The following NXPH1 variants were observed in gnomAD, a reference collection of about 807,000 sequenced individuals.
NXPH1 encodes neurexophilin-1.
In NXPH1, 5 loss-of-function variants were observed where a neutral mutation model predicts 23.7. The observed-to-expected ratio is 0.21, with a 90% CI of 0.11 to 0.44. The LOEUF (loss-of-function observed/expected upper bound fraction) is 0.44. Among genes scored for constraint, NXPH1 ranks in the 20% least tolerant of loss-of-function variants. The pLI is 0.99. For synonymous variants in NXPH1, 144 were observed against 122.2 expected (o/e 1.18, Z -1.18); for missense variants, 324 against 321.6 (o/e 1.01, Z -0.06).
At chr7:8,655,503 C>T (rs1020078423) in intron 2 of NXPH1, among the ~76,000 whole-genome samples, 2 of 14,126 alleles carry the variant, frequency 1.4e-4, no homozygotes, top group Non-Finnish European at 3.8e-4. Context: ...CCATCACACG[C>T]ACACACACAC....
At chr7:8,623,844 C>T (rs576589660) in intron 2 of NXPH1, among the ~76,000 whole-genome samples, 1 of 151,864 alleles carries the variant, frequency 6.6e-6, no homozygotes, top group Non-Finnish European at 1.5e-5. Context: ...TTTATATCTA[C>T]ATTCATACTC....
chr7:8,465,901 G>T (rs973686195), intron 2 of NXPH1, among the ~76,000 whole-genome samples: 3 of 152,168 alleles, frequency 2.0e-5, no homozygotes, highest in Non-Finnish European at 2.9e-5. Flanking sequence ...GCCTTGAAAA[G>T]CAAAGAGAAT....
In NXPH1 at chr7:8,608,619, T is replaced by A. The variant is rs529166225; in HGVS notation, c.55-142389T>A. Among the ~76,000 whole-genome samples the A allele has an allele frequency of 9.9e-5, 15 of 152,268 alleles. No homozygotes were observed. The South Asian group carries it at 2.7e-3, about 27-fold the overall frequency. On this transcript the variant is annotated intron_variant, in intron 2 of 2. Coordinates refer to ENST00000405863, the MANE Select transcript of NXPH1 (RefSeq NM_152745.3). ...TGAAATGGCCCTTTCTGTATTTTTT[T>A]AAAAATATGGAGGTTTGCATCTTCT...
At chr7:8,648,725 A>G (rs1354474470) in intron 2 of NXPH1, among the ~76,000 whole-genome samples, 2 of 152,208 alleles carry the variant, frequency 1.3e-5, no homozygotes, top group African/African-American at 4.8e-5. Context: ...GTATTTGTAC[A>G]TTAAACCAAA....
intron 2 of NXPH1, among the ~76,000 whole-genome samples, chr7:8,458,218 A>G (rs890081813): frequency 6.6e-6 from 1 of 152,224 alleles, no homozygotes; most frequent in Non-Finnish European, 1.5e-5. Context: ...GACGTGGAGA[A>G]TCATTGACTT....
intron 2 of NXPH1, among the ~76,000 whole-genome samples, chr7:8,559,875 C>G (rs1818412756): frequency 6.6e-6 from 1 of 151,646 alleles, no homozygotes; most frequent in Non-Finnish European, 1.5e-5. Flanking sequence ...ACTTGCCTGC[C>G]AAATCTGATC....
chr7:8,550,289 C>T (rs1374945955), intron 2 of NXPH1, among the ~76,000 whole-genome samples: 1 of 151,508 alleles, frequency 6.6e-6, no homozygotes, highest in Non-Finnish European at 1.5e-5. Context: ...CATGAAACGC[C>T]TGGGGGCAAA....
At chr7:8,565,558 A>G (rs1233566978) in intron 2 of NXPH1, among the ~76,000 whole-genome samples, 1 of 151,836 alleles carries the variant, frequency 6.6e-6, no homozygotes, top group Non-Finnish European at 1.5e-5. Flanking sequence ...GTTCTAAACT[A>G]GAACATTTTT....
At chr7:8,710,099 G>T (rs965807630) in intron 2 of NXPH1, among the ~76,000 whole-genome samples, 2 of 152,182 alleles carry the variant, frequency 1.3e-5, no homozygotes, top group African/African-American at 4.8e-5. Context: ...TATCTGTATT[G>T]ATACTGTTTT....
intron 2 of NXPH1, among the ~76,000 whole-genome samples, chr7:8,526,010 CA>C (rs1817856017): frequency 6.6e-6 from 1 of 152,122 alleles, no homozygotes; most frequent in South Asian, 2.1e-4. Flanking sequence ...AGTTCACCAA[CA>C]GACAGCTTGC....
intron 2 of NXPH1, among the ~76,000 whole-genome samples, chr7:8,554,488 AG>A (rs1818325053): frequency 6.6e-6 from 1 of 151,710 alleles, no homozygotes; most frequent in Admixed American, 6.6e-5. Flanking sequence ...AATGAGCTGC[AG>A]TCCTCTGTAC....
intron 2 of NXPH1, among the ~76,000 whole-genome samples, chr7:8,502,748 C>T (rs1170153351): frequency 6.6e-6 from 1 of 151,472 alleles, no homozygotes; most frequent in African/African-American, 2.4e-5. Flanking sequence ...ATAATCATGG[C>T]TCACTAGATG....
chr7:8,637,863 T>C (rs1820244688), intron 2 of NXPH1, among the ~76,000 whole-genome samples: 1 of 152,202 alleles, frequency 6.6e-6, no homozygotes, highest in Non-Finnish European at 1.5e-5. Flanking sequence ...ACTTTGGTGA[T>C]ACGATTTAAA....
At chr7:8,631,686 C>T (rs577086075) in intron 2 of NXPH1, among the ~76,000 whole-genome samples, 10 of 152,208 alleles carry the variant, frequency 6.6e-5, no homozygotes, top group South Asian at 2.1e-4. Flanking sequence ...TAACAGTTTT[C>T]GGTCACCACA....
intron 2 of NXPH1, among the ~76,000 whole-genome samples, chr7:8,700,441 A>G (rs988200996): frequency 1.3e-5 from 2 of 152,126 alleles, no homozygotes; most frequent in Non-Finnish European, 2.9e-5. Flanking sequence ...CCTGTACTCT[A>G]TCATCTTTCA....
At chr7:8,631,331 C>T (rs373327943) in intron 2 of NXPH1, among the ~76,000 whole-genome samples, 3 of 152,104 alleles carry the variant, frequency 2.0e-5, no homozygotes, top group African/African-American at 7.2e-5. Context: ...ACCTGGAAGA[C>T]ATCCTAGGCA....
At chr7:8,479,280 T>A (rs1411494836) in intron 2 of NXPH1, among the ~76,000 whole-genome samples, 1 of 152,114 alleles carries the variant, frequency 6.6e-6, no homozygotes, top group Non-Finnish European at 1.5e-5. Context: ...ACTTCATTGG[T>A]GGTGGTAGTA....
intron 2 of NXPH1, among the ~76,000 whole-genome samples, chr7:8,508,702 A>G (rs545910845): frequency 1.7e-4 from 26 of 152,032 alleles, no homozygotes; most frequent in Non-Finnish European, 3.4e-4. Context: ...TATTTCTTCT[A>G]TAACCCCAGT....
intron 2 of NXPH1, among the ~76,000 whole-genome samples, chr7:8,553,452 A>C (rs989784047): frequency 2.6e-5 from 4 of 151,442 alleles, no homozygotes; most frequent in African/African-American, 9.7e-5. Context: ...TTAGTAAATA[A>C]ATGCTTGTTG....
Sources: gnomAD v4.1 joint callset for allele counts (sites outside exome capture counted in the v4.1 genomes callset) on GRCh38, gnomAD v4.1.1 for gene constraint, MANE v1.5 for transcripts, NCBI Gene and HGNC (gene_info 2026-07-23, HGNC 2026-07-21) for gene names.